SDK2: variants seen among roughly 807,000 people sequenced by gnomAD.
The protein encoded by SDK2 is protein sidekick-2.
A neutral mutation model predicts 253.9 loss-of-function variants in SDK2; 105 were observed. That is an observed-to-expected ratio of 0.41 (90% CI 0.35 to 0.49). SDK2 has a LOEUF of 0.49. Ranked by LOEUF, SDK2 falls within the 20% of genes least tolerant of loss-of-function variation. The pLI, the probability that SDK2 is intolerant of heterozygous loss-of-function variation, is 0.06. For synonymous variants in SDK2, 1,249 were observed against 1,234.9 expected (o/e 1.01, Z -0.24); for missense variants, 2,608 against 3,003.0 (o/e 0.87, Z 3.07).
chr17:73,559,210 G>A (rs1218832933), intron 1 of SDK2, among the ~76,000 whole-genome samples: 2 of 152,128 alleles, frequency 1.3e-5, no homozygotes, highest in Non-Finnish European at 2.9e-5. Context: ...GACCCACGAA[G>A]GACAGAGCAT....
rs1331710157 is a variant in SDK2 at position 73,616,579 on chromosome 17, G to A, written c.64+27446C>T. The stretch of plus-strand genomic sequence containing the variant: ...CAGCAGATCCTTTTTCTGGAGTAAT[G>A]GAATCTTAGTCCTGGGTGTTTGGGG... On this transcript the variant is annotated intron_variant, in intron 1 of 44. Transcript: ENST00000392650. This position sits in a 1 kb window ranked among gnomAD's most constrained non-coding sequence, Gnocchi z 5.2. Among the ~76,000 whole-genome samples, 1 of 152,104 alleles carries A rather than the reference G, an allele frequency of 6.6e-6. No individual in the cohort carries two copies. The highest frequency in any genetic ancestry group is 1.9e-4 in the East Asian group (1 of 5,190).
Position 73,423,438 on chromosome 17 carries a change from G to T in SDK2, c.1845C>A (p.Pro615=). The T allele has an allele frequency of 6.3e-7, 1 of 1,578,922 alleles. No homozygotes were observed. The highest frequency in any genetic ancestry group is 1.2e-5 in the South Asian group (1 of 85,572). Residue 615 remains proline (P), a synonymous_variant, in exon 14 of 45, where the codon CCC becomes CCA. Transcript: ENST00000392650. ...RRAINLTWTK[P]FDGNSPLIRY... ...GGATCAGGGGGCTGTTGCCATCAAA[G>T]GGCTTGGTCCACGTCAGGTTGATGG... is the stretch of plus-strand genomic sequence containing the variant.
rs1351557822 is a variant in SDK2, at chr17:73,639,221, A to G, written c.64+4804T>C. On this transcript the variant is annotated intron_variant, in intron 1 of 44. Transcript: ENST00000392650. The surrounding 1 kb of genome is among the most constrained non-coding windows in gnomAD (Gnocchi z 4.3). ...TCAAAGGGGCAGAAGCCACGCTGGG[A>G]GCCATTCACCACGTCTGCAGGAGAA... Among the ~76,000 whole-genome samples, 2 of 152,138 alleles carry G rather than the reference A, an allele frequency of 1.3e-5. No homozygotes were observed. Among genetic ancestry groups the G allele is most frequent in the African/African-American group, 4.8e-5 (2 of 41,424 alleles).
intron 1 of SDK2, among the ~76,000 whole-genome samples, chr17:73,608,252 C>G (rs536076368): frequency 6.6e-6 from 1 of 152,108 alleles, no homozygotes; most frequent in South Asian, 2.1e-4. Flanking sequence ...TTATTTTTCT[C>G]TGATGTGTTT....
At chr17:73,549,744 A>G (rs889019012) in intron 1 of SDK2, among the ~76,000 whole-genome samples, 16 of 151,884 alleles carry the variant, frequency 1.1e-4, no homozygotes, top group Non-Finnish European at 1.9e-4. Context: ...TGTGTGGGAG[A>G]GGGGATGGGG....
At chr17:73,477,656 A>G (rs1412590164) in intron 2 of SDK2, among the ~76,000 whole-genome samples, 1 of 152,158 alleles carries the variant, frequency 6.6e-6, no homozygotes, top group Non-Finnish European at 1.5e-5. Context: ...GGAGGCTCAG[A>G]GAGGAGGGTG....
At chr17:73,563,589 AT>A (rs2045269583) in intron 1 of SDK2, among the ~76,000 whole-genome samples, 1 of 152,126 alleles carries the variant, frequency 6.6e-6, no homozygotes, top group African/African-American at 2.4e-5. Context: ...TTAAAAAAAA[AT>A]CTTTGTGCCC....
intron 30 of SDK2, among the ~76,000 whole-genome samples, chr17:73,387,357 G>A (rs571673141): frequency 1.6e-4 from 24 of 152,052 alleles, no homozygotes; most frequent in Non-Finnish European, 2.8e-4. Context: ...GGGAGCAAAC[G>A]TCTCTCTTTT....
In SDK2 at chr17:73,338,414, C is replaced by T; in HGVS notation, c.*173G>A. 1.4e-6 allele frequency: 1 copy of T among 699,862 alleles called. No homozygotes were observed. Among genetic ancestry groups the T allele is most frequent in the South Asian group, 1.5e-5 (1 of 66,514 alleles). 43.4% of individuals were successfully genotyped at this position (699,862 alleles called of 1,614,324 possible). Reference sequence around the variant, plus strand: ...GCCACACACATCCTCTCACGGTTTTCTCCCTCCTTCTGAACGCCGGCTTTG... The same window carrying T: ...GCCACACACATCCTCTCACGGTTTTTTCCCTCCTTCTGAACGCCGGCTTTG... On this transcript the variant is annotated 3_prime_UTR_variant, in exon 45 of 45. Transcript: ENST00000392650. This position sits in a 1 kb window ranked among gnomAD's most constrained non-coding sequence, Gnocchi z 5.0.
At chr17:73,364,156 C>T (rs1309448405) in intron 38 of SDK2, among the ~76,000 whole-genome samples, 1 of 152,124 alleles carries the variant, frequency 6.6e-6, no homozygotes, top group Non-Finnish European at 1.5e-5. Context: ...CAGTTTCCTT[C>T]CTGCCTAAAT....
rs749923803 is a variant in SDK2, at chr17:73,395,260, C to T, written c.3487G>A (p.Glu1163Lys). The change falls in exon 25 of 45, where the codon GAG (glutamate) becomes AAG (lysine). Residue 1163 changes from glutamate (E) to lysine (K), a missense_variant. This residue lies in a region of SDK2 where 1,505 missense variants were observed against 1,859.1 expected (regional missense o/e 0.81). Coordinates refer to ENST00000392650, the MANE Select transcript of SDK2 (RefSeq NM_001144952.2). The surrounding 1 kb of genome is among the most constrained non-coding windows in gnomAD (Gnocchi z 4.3). ...QDRVERDYTI[E>K]DLEEWTEYRV... ...TACTCTGTCCACTCCTCCAGGTCCT[C>T]GATGGTGTAGTCCCGCTCCACACGG... 5.0e-6 allele frequency: 8 copies of T among 1,613,718 alleles called. No homozygotes were observed. Among genetic ancestry groups the T allele is most frequent in the East Asian group, 2.2e-5 (1 of 44,888 alleles).
chr17:73,598,886 A>C (rs1011025945), intron 1 of SDK2, among the ~76,000 whole-genome samples: 6 of 152,226 alleles, frequency 3.9e-5, no homozygotes, highest in African/African-American at 1.4e-4. Flanking sequence ...CCATTTACAC[A>C]ATAAAATGAA....
intron 2 of SDK2, among the ~76,000 whole-genome samples, chr17:73,486,341 A>G (rs1195101532): frequency 6.6e-6 from 1 of 152,044 alleles, no homozygotes; most frequent in Non-Finnish European, 1.5e-5. Flanking sequence ...GAGAGCAGTG[A>G]CTCACATCTG....
intron 1 of SDK2, among the ~76,000 whole-genome samples, chr17:73,579,443 A>G (rs1482860261): frequency 6.6e-6 from 1 of 152,100 alleles, no homozygotes. Context: ...GGCTTCTCGC[A>G]CGGTGCTCCC....
At chr17:73,561,604 C>T (rs1453700659) in intron 1 of SDK2, among the ~76,000 whole-genome samples, 3 of 152,200 alleles carry the variant, frequency 2.0e-5, no homozygotes, top group Non-Finnish European at 2.9e-5. Flanking sequence ...TCTTCCTGTA[C>T]GTGGCTGAGG....
chr17:73,364,654 C>T (rs545220372), intron 38 of SDK2, among the ~76,000 whole-genome samples: 1 of 152,148 alleles, frequency 6.6e-6, no homozygotes, highest in Non-Finnish European at 1.5e-5. Flanking sequence ...TGGAATCTAG[C>T]TCTGTCGCCC....
At chr17:73,590,171 T>C (rs973841946) in intron 1 of SDK2, among the ~76,000 whole-genome samples, 21 of 152,136 alleles carry the variant, frequency 1.4e-4, no homozygotes, top group African/African-American at 5.1e-4. Flanking sequence ...AAAGAAGACA[T>C]TTAGCAAGAC....
At chr17:73,385,969 C>A in intron 31 of SDK2, 52 bp from the exon 32 acceptor site, 1 of 1,388,480 alleles carries the variant, frequency 7.2e-7, no homozygotes, top group South Asian at 1.3e-5. Context: ...TTCAAGTTCC[C>A]CAGGAGCCCA....
At chr17:73,530,314 C>T (rs540050806) in intron 1 of SDK2, among the ~76,000 whole-genome samples, 10 of 152,286 alleles carry the variant, frequency 6.6e-5, no homozygotes, top group Non-Finnish European at 1.5e-4. Context: ...GGAAGCAAGG[C>T]ACGTCTTACA....
Sources: allele counts gnomAD v4.1 joint callset (sites outside exome capture counted in the v4.1 genomes callset), GRCh38; gene constraint gnomAD v4.1.1; regional missense constraint gnomAD v4.1.1; non-coding constraint Gnocchi (gnomAD v3.1); transcripts MANE v1.5; gene names NCBI Gene and HGNC (gene_info 2026-07-23, HGNC 2026-07-21).